Variants in PLD5 observed in about 807,000 individuals in gnomAD.
PLD5 encodes phospholipase D family member 5.
In PLD5, 36 loss-of-function variants were observed where a neutral mutation model predicts 61.1. That is an observed-to-expected ratio of 0.59 (90% confidence interval 0.45 to 0.78). The LOEUF (loss-of-function observed/expected upper bound fraction) is 0.78. PLD5 is among the 30% of genes least tolerant of loss of function. The pLI, the probability that PLD5 is intolerant of heterozygous loss-of-function variation, is 0.00. For missense variants in PLD5, 515 were observed against 644.4 expected (o/e 0.80, Z 2.17); for synonymous variants, 243 against 242.8 (o/e 1.00, Z -0.01).
At chr1:242,135,262 T>C (rs1663628145) in intron 5 of PLD5, among the ~76,000 whole-genome samples, 1 of 152,200 alleles carries the variant, frequency 6.6e-6, no homozygotes, top group South Asian at 2.1e-4. Context: ...ATCTGCTATG[T>C]AGAGTAACAG....
At chr1:242,177,497 T>A (rs1399422528) in intron 5 of PLD5, among the ~76,000 whole-genome samples, 2 of 152,210 alleles carry the variant, frequency 1.3e-5, no homozygotes, top group East Asian at 3.9e-4. Flanking sequence ...CAAACCACCA[T>A]GGCACGTGTG....
upstream of PLD5, among the ~76,000 whole-genome samples, chr1:242,526,627 G>T (rs1669454441): frequency 6.6e-6 from 1 of 152,078 alleles, no homozygotes; most frequent in African/African-American, 2.4e-5. Flanking sequence ...GTGGAGACGG[G>T]GTTTCACCAC....
intron 4 of PLD5, among the ~76,000 whole-genome samples, chr1:242,258,785 A>C (rs1424314718): frequency 6.6e-6 from 1 of 152,332 alleles, no homozygotes; most frequent in East Asian, 1.9e-4. Context: ...TTAAAGCTAC[A>C]TAGCACCGTT....
At chr1:242,231,277 C>T (rs71648698) in intron 4 of PLD5, among the ~76,000 whole-genome samples, 2,469 of 152,198 alleles carry the variant, frequency 0.016, 24 homozygotes, top group Non-Finnish European at 0.026. Context: ...TGTATGGCCA[C>T]GAAGGAGGAC....
At chr1:242,258,613 G>C (rs1673211336) in intron 4 of PLD5, among the ~76,000 whole-genome samples, 1 of 152,184 alleles carries the variant, frequency 6.6e-6, no homozygotes, top group Non-Finnish European at 1.5e-5. Context: ...TGGCATGACA[G>C]AGCTCTTAAA....
intron 4 of PLD5, among the ~76,000 whole-genome samples, chr1:242,229,880 C>T (rs1014797019): frequency 6.0e-5 from 9 of 150,110 alleles, no homozygotes; most frequent in African/African-American, 4.9e-5. Flanking sequence ...CCCTATGTCA[C>T]TGGTAAGACC....
intron 1 of PLD5, among the ~76,000 whole-genome samples, chr1:242,467,431 G>A (rs898805374): frequency 6.6e-6 from 1 of 152,100 alleles, no homozygotes; most frequent in African/African-American, 2.4e-5. Flanking sequence ...TTAAGTACAA[G>A]CAAGAAAAGA....
At chr1:242,503,714 C>A (rs1668630538) in intron 1 of PLD5, among the ~76,000 whole-genome samples, 1 of 152,042 alleles carries the variant, frequency 6.6e-6, no homozygotes, top group South Asian at 2.1e-4. Flanking sequence ...GGAAAGAGGC[C>A]TTAAGAAGCA....
intron 3 of PLD5, among the ~76,000 whole-genome samples, chr1:242,267,189 AGGAAAAGGAAAG>A (rs140889134): frequency 0.13 from 18,330 of 141,696 alleles, 2,162 homozygotes; most frequent in East Asian, 0.5. Context: ...GAAAGGGAAA[AGGAAAAGGAAAG>A]GGAAAGGGAA....
At chr1:242,176,113 A>G (rs564287373) in intron 5 of PLD5, among the ~76,000 whole-genome samples, 5 of 152,354 alleles carry the variant, frequency 3.3e-5, no homozygotes, top group African/African-American at 1.2e-4. Context: ...ACCAAAAAAG[A>G]GCCCGCATAG....
chr1:242,256,798 T>C lies in PLD5; in HGVS notation c.607+8539A>G, dbSNP rs1004310312. 1.4e-5 allele frequency among the ~76,000 whole-genome samples: 2 copies of C among 144,318 alleles called. No homozygotes were observed. Among genetic ancestry groups the C allele is most frequent in the South Asian group, 2.2e-4 (1 of 4,522 alleles). The allele number at this position is 144,318 out of a possible 152,430, so 94.7% of individuals were successfully genotyped here. ...TCTATCTATCTATCTATCTATCTATTAATATCTATCTTTCTATGTATCTGT... is the reference window on the plus strand; with the variant it reads ...TCTATCTATCTATCTATCTATCTATCAATATCTATCTTTCTATGTATCTGT... On this transcript the variant is annotated intron_variant, in intron 4 of 9. Transcript: ENST00000536534. This position sits in a 1 kb window ranked among gnomAD's most constrained non-coding sequence, Gnocchi z 5.7.
intron 1 of PLD5, among the ~76,000 whole-genome samples, chr1:242,498,252 C>T (rs999138110): frequency 3.3e-5 from 5 of 152,290 alleles, no homozygotes; most frequent in South Asian, 4.1e-4. Context: ...CGTGAGCCAC[C>T]GCACCTGGCC....
At chr1:242,345,002 G>A (rs183140760) in intron 2 of PLD5, among the ~76,000 whole-genome samples, 7 of 152,294 alleles carry the variant, frequency 4.6e-5, no homozygotes, top group Admixed American at 1.3e-4. Flanking sequence ...ATCAGATCTC[G>A]TGAGACTTAT....
intron 4 of PLD5, among the ~76,000 whole-genome samples, chr1:242,263,045 G>T (rs1370369084): frequency 6.6e-6 from 1 of 152,090 alleles, no homozygotes; most frequent in Admixed American, 6.6e-5. Context: ...CTGAGTCAAG[G>T]AGAGAGGCAA....
At chr1:242,529,398 T>C (rs1669507708), upstream of PLD5, among the ~76,000 whole-genome samples, 1 of 152,192 alleles carries the variant, frequency 6.6e-6, no homozygotes, top group African/African-American at 2.4e-5. Context: ...CTGTGTGGGC[T>C]GGTCCTCAGA....
chr1:242,274,172 C>T (rs575563152), intron 3 of PLD5, among the ~76,000 whole-genome samples: 1 of 152,202 alleles, frequency 6.6e-6, no homozygotes, highest in East Asian at 1.9e-4. Context: ...GCAAAAGATA[C>T]TACAAAGTTA....
intron 1 of PLD5, among the ~76,000 whole-genome samples, chr1:242,513,771 T>C (rs527485955): frequency 2.6e-5 from 4 of 152,336 alleles, no homozygotes; most frequent in Non-Finnish European, 5.9e-5. Flanking sequence ...CAAGTAGTCT[T>C]TGGAATTTTC....
intron 1 of PLD5, among the ~76,000 whole-genome samples, chr1:242,452,227 A>G (rs184707975): frequency 1.5e-3 from 225 of 152,234 alleles, no homozygotes; most frequent in African/African-American, 5.1e-3. Context: ...TTTTTTTCAA[A>G]TAAGTTAACC....
intron 5 of PLD5, among the ~76,000 whole-genome samples, chr1:242,188,364 G>A (rs1328183238): frequency 6.6e-6 from 1 of 152,208 alleles, no homozygotes; most frequent in Non-Finnish European, 1.5e-5. Flanking sequence ...TTCCCCATGA[G>A]TGTGCAGAAG....
Sources: gnomAD v4.1 joint callset for allele counts (sites outside exome capture counted in the v4.1 genomes callset) on GRCh38, gnomAD v4.1.1 for gene constraint, Gnocchi (gnomAD v3.1) non-coding constraint, MANE v1.5 for transcripts, NCBI Gene and HGNC (gene_info 2026-07-23, HGNC 2026-07-21) for gene names.